Variants in TENM4 observed in about 807,000 individuals in gnomAD.
TENM4 encodes teneurin transmembrane protein 4, also known as teneurin-4.
A neutral mutation model predicts 243.3 loss-of-function variants in TENM4; 82 were observed. The ratio of observed to expected loss-of-function variants is 0.34; its 90% CI spans 0.28 to 0.40. The LOEUF (loss-of-function observed/expected upper bound fraction) is 0.40, where lower values mean the gene tolerates loss of function less well. TENM4 is among the 10% of genes least tolerant of loss of function. TENM4 has a pLI of 1.00. For synonymous variants in TENM4, 1,412 were observed against 1,456.3 expected, an observed-to-expected ratio of 0.97 and a Z score of 0.69; for missense variants, 3,138 against 3,673.3, an observed-to-expected ratio of 0.85 and a Z score of 3.77.
intron 2 of TENM4, among the ~76,000 whole-genome samples, chr11:79,242,632 TA>T (rs1202808687): frequency 2.6e-5 from 4 of 152,246 alleles, no homozygotes; most frequent in Non-Finnish European, 4.4e-5. Flanking sequence ...ACATCATTTT[TA>T]ACGGCTACAA....
chr11:79,200,705 G>A (rs966437216), intron 3 of TENM4, among the ~76,000 whole-genome samples: 16 of 152,228 alleles, frequency 1.1e-4, no homozygotes, highest in African/African-American at 3.9e-4. Flanking sequence ...GTTCTTGACA[G>A]AACATTTCAA....
At chr11:78,818,083 AGAG>A (rs1347947565) in intron 12 of TENM4, among the ~76,000 whole-genome samples, 4 of 152,150 alleles carry the variant, frequency 2.6e-5, no homozygotes, top group Non-Finnish European at 5.9e-5. Context: ...TATTCAATCC[AGAG>A]GAGGGTCTCA....
At chr11:79,180,791 C>A (rs1863265918) in intron 3 of TENM4, among the ~76,000 whole-genome samples, 1 of 150,920 alleles carries the variant, frequency 6.6e-6, no homozygotes, top group African/African-American at 2.4e-5. Flanking sequence ...CCAGCCTGGA[C>A]AACAGAGTGA....
intron 16 of TENM4, among the ~76,000 whole-genome samples, chr11:78,785,063 T>TG (rs907146526): frequency 2.8e-4 from 42 of 149,776 alleles, no homozygotes; most frequent in Non-Finnish European, 3.9e-4. Context: ...TTGTTTTTTT[T>TG]TTTTGTTTTT....
chr11:79,114,282 A>G (rs1861572117), intron 4 of TENM4, among the ~76,000 whole-genome samples: 2 of 152,352 alleles, frequency 1.3e-5, no homozygotes, highest in South Asian at 4.1e-4. Context: ...AAACTTGGAA[A>G]GACAGAAGGA....
At chr11:78,932,043 G>A (rs1364594529) in intron 6 of TENM4, among the ~76,000 whole-genome samples, 1 of 152,184 alleles carries the variant, frequency 6.6e-6, no homozygotes, top group African/African-American at 2.4e-5. Flanking sequence ...GTTATGGAAG[G>A]ATTTCGCAGG....
intron 2 of TENM4, among the ~76,000 whole-genome samples, chr11:79,252,884 C>T (rs1855636593): frequency 6.6e-6 from 1 of 152,224 alleles, no homozygotes; most frequent in South Asian, 2.1e-4. Context: ...CACTCCCAGA[C>T]AGACGAGTAA....
rs533613228 is a variant in TENM4, at chr11:79,064,726, C to T, written c.493+12G>A. 4.2e-5 allele frequency: 65 copies of T among 1,551,608 alleles called. 1 individual carries two copies. The South Asian group carries it at 7.5e-4, about 18-fold the overall frequency. The stretch of plus-strand genomic sequence containing the variant: ...ACCCAGGCACCCGGCACAGACCAAA[C>T]CAGCCACTCACCAGTCTCAGTGTTT... On this transcript the variant is annotated intron_variant, in intron 6 of 33. Coordinates refer to ENST00000278550, the MANE Select transcript of TENM4 (RefSeq NM_001098816.3).
At position 79,162,955 on chromosome 11, in the gene TENM4, T is replaced by C. The variant is rs1862784697; in HGVS notation, c.-162-14149A>G. On this transcript the variant is annotated intron_variant, in intron 3 of 33. Transcript: ENST00000278550. ...TGACTCTTCAGCTCTGAGGGAGCTA[T>C]TTCTGCAGGCCCAAGGTGCGCTGCA... Among the ~76,000 whole-genome samples the C allele has an allele frequency of 2.0e-5, 3 of 152,248 alleles. No homozygotes were observed. The South Asian group carries it at 6.2e-4, about 32-fold the overall frequency.
At chr11:79,260,662 T>G (rs980993780) in intron 2 of TENM4, among the ~76,000 whole-genome samples, 1 of 152,154 alleles carries the variant, frequency 6.6e-6, no homozygotes, top group Non-Finnish European at 1.5e-5. Context: ...GACTGTGGAC[T>G]CCATAAATTA....
intron 3 of TENM4, among the ~76,000 whole-genome samples, chr11:79,184,004 A>T (rs2135146291): frequency 6.6e-6 from 1 of 152,328 alleles, no homozygotes; most frequent in Middle Eastern, 3.4e-3. Context: ...CTATTTTTGA[A>T]TATATACCCA....
intron 6 of TENM4, among the ~76,000 whole-genome samples, chr11:79,028,570 C>T (rs921733523): frequency 6.6e-6 from 1 of 152,234 alleles, no homozygotes; most frequent in African/African-American, 2.4e-5. Flanking sequence ...CCTACTCCCA[C>T]CTTTCACATG....
chr11:79,055,974 C>T, intron 6 of TENM4, among the ~76,000 whole-genome samples: 1 of 152,174 alleles, frequency 6.6e-6, no homozygotes, highest in East Asian at 1.9e-4. Flanking sequence ...CCCTGGACTC[C>T]ACACATCTGG....
chr11:79,359,242 G>T (rs906222810), intron 1 of TENM4, among the ~76,000 whole-genome samples: 1 of 152,232 alleles, frequency 6.6e-6, no homozygotes, highest in Non-Finnish European at 1.5e-5. Context: ...CTCCAGCCTG[G>T]GTGATAGACT....
At chr11:79,360,352 A>G (rs548481772) in intron 1 of TENM4, among the ~76,000 whole-genome samples, 39 of 152,356 alleles carry the variant, frequency 2.6e-4, no homozygotes, top group African/African-American at 8.2e-4. Context: ...GCAGAAAGAA[A>G]GAATATATGA....
rs766019045 is a variant in TENM4 at position 78,672,307 on chromosome 11, G to T, written c.5519C>A (p.Ser1840Tyr). The change falls in exon 31 of 34, where the codon TCT becomes TAT. Residue 1840 changes from serine (S) to tyrosine (Y), a missense_variant. Physicochemically the swap from Ser to Tyr is moderately radical, Grantham distance 144. This residue lies in a region of TENM4 where 2,467 missense variants were observed against 3,059.1 expected (regional missense o/e 0.81). Coordinates refer to ENST00000278550, the MANE Select transcript of TENM4 (RefSeq NM_001098816.3). ...GCGTGTTACGCGATCAAAGTCCAGA[G>T]ATAGGAGATTTCGGTTGTGAACCTG... ...RLRVHNRNLLSLDFDRVTRTE... is the reference protein window; with the variant it reads ...RLRVHNRNLLYLDFDRVTRTE... The T allele has an allele frequency of 6.2e-7, 1 of 1,609,112 alleles. No homozygotes were observed. The highest frequency in any genetic ancestry group is 8.5e-7 in the Non-Finnish European group (1 of 1,175,804).
At chr11:79,002,768 C>T (rs1326768647) in intron 6 of TENM4, among the ~76,000 whole-genome samples, 2 of 152,172 alleles carry the variant, frequency 1.3e-5, no homozygotes, top group East Asian at 1.9e-4. Flanking sequence ...CAATTGACTG[C>T]ACTAGTTCCC....
At chr11:79,434,159 A>G (rs1859225034) in intron 1 of TENM4, among the ~76,000 whole-genome samples, 1 of 152,372 alleles carries the variant, frequency 6.6e-6, no homozygotes, top group African/African-American at 2.4e-5. Flanking sequence ...TGATTGAACC[A>G]TGCAAAGAGG....
At chr11:79,427,987 C>G (rs1445697748) in intron 1 of TENM4, among the ~76,000 whole-genome samples, 1 of 152,188 alleles carries the variant, frequency 6.6e-6, no homozygotes, top group Non-Finnish European at 1.5e-5. Context: ...ATTCCATTCA[C>G]TCAATGACAG....
Sources: gnomAD v4.1 joint callset for allele counts (sites outside exome capture counted in the v4.1 genomes callset) on GRCh38, gnomAD v4.1.1 for gene constraint, gnomAD v4.1.1 regional missense constraint, MANE v1.5 for transcripts, NCBI Gene and HGNC (gene_info 2026-07-23, HGNC 2026-07-21) for gene names.